Variants in SPRED1 observed in about 807,000 individuals in gnomAD.
SPRED1 encodes the protein sprouty-related, EVH1 domain-containing protein 1.
SPRED1 carries 18 observed loss-of-function variants against 52.3 expected under a neutral mutation model. That is an observed-to-expected ratio of 0.34 (90% CI 0.24 to 0.51). The LOEUF (loss-of-function observed/expected upper bound fraction) is 0.51, where lower values mean the gene tolerates loss of function less well. Ranked by LOEUF, SPRED1 falls within the 20% of genes least tolerant of loss-of-function variation. The pLI is 0.97. For missense variants in SPRED1, 485 were observed against 551.0 expected, an observed-to-expected ratio of 0.88 and a Z score of 1.20; for synonymous variants, 155 against 179.7, an observed-to-expected ratio of 0.86 and a Z score of 1.10.
intron 1 of SPRED1, among the ~76,000 whole-genome samples, chr15:38,293,438 C>A (rs1210527625): frequency 6.6e-6 from 1 of 152,048 alleles, no homozygotes; most frequent in Non-Finnish European, 1.5e-5. Flanking sequence ...GCCTTTGGAA[C>A]CTAGATCTGA....
At chr15:38,342,156 T>A (rs1896045086) in intron 5 of SPRED1, among the ~76,000 whole-genome samples, 1 of 151,634 alleles carries the variant, frequency 6.6e-6, no homozygotes, top group African/African-American at 2.4e-5. Context: ...ATTTGCTGTG[T>A]TTTTTTTCCT....
chr15:38,278,719 T>C (rs1894614235), intron 1 of SPRED1, among the ~76,000 whole-genome samples: 1 of 151,524 alleles, frequency 6.6e-6, no homozygotes, highest in African/African-American at 2.4e-5. Context: ...CCTAATACAA[T>C]GCAAATGCTG....
chr15:38,286,226 CAAAA>C (rs368405955), intron 1 of SPRED1, among the ~76,000 whole-genome samples: 124 of 89,592 alleles, frequency 1.4e-3, no homozygotes, highest in African/African-American at 5.1e-3. Flanking sequence ...ACTCCAGCCT[CAAAA>C]AAAAAAAAAA....
At chr15:38,290,489 A>G (rs16966655) in intron 1 of SPRED1, among the ~76,000 whole-genome samples, 13,836 of 152,196 alleles carry the variant, frequency 0.091, 760 homozygotes, top group East Asian at 0.21. Flanking sequence ...CATTATATAA[A>G]CAGTTTGTGG....
At chr15:38,290,902 G>A (rs911653252) in intron 1 of SPRED1, among the ~76,000 whole-genome samples, 26 of 152,116 alleles carry the variant, frequency 1.7e-4, no homozygotes, top group African/African-American at 6.0e-4. Flanking sequence ...GGCCCCTGCA[G>A]TTCTCATGTC....
intron 3 of SPRED1, among the ~76,000 whole-genome samples, chr15:38,324,249 ATCT>A (rs1193801857): frequency 6.6e-6 from 1 of 152,178 alleles, no homozygotes. Context: ...CAGCATGAAA[ATCT>A]GTACAGAGAC....
chr15:38,257,596 C>G (rs1431535886), intron 1 of SPRED1, among the ~76,000 whole-genome samples: 3 of 152,090 alleles, frequency 2.0e-5, no homozygotes, highest in Non-Finnish European at 4.4e-5. Context: ...TGCTTGGCCT[C>G]TGAGTTATGT....
chr15:38,337,036 A>G lies in SPRED1; in HGVS notation c.424-2701A>G, dbSNP rs534758058. Among the ~76,000 whole-genome samples the G allele has an allele frequency of 2.6e-4, 39 of 152,334 alleles. 1 individual carries two copies. Among genetic ancestry groups the G allele is most frequent in the African/African-American group, 7.0e-4 (29 of 41,586 alleles). ...ACTCTTTTTTTCTTTGCTAGATTCA[A>G]GAAGTGGTCAAAATGTGTGAATGTT... On this transcript the variant is annotated intron_variant, in intron 4 of 6. Coordinates refer to ENST00000299084, the MANE Select transcript of SPRED1 (RefSeq NM_152594.3).
chr15:38,306,942 G>A (rs934665879), intron 2 of SPRED1, among the ~76,000 whole-genome samples: 2 of 152,086 alleles, frequency 1.3e-5, no homozygotes, highest in African/African-American at 4.8e-5. Context: ...TGGTTGATTT[G>A]GTCTGTCAGC....
At chr15:38,313,016 A>T (rs1916145) in intron 2 of SPRED1, among the ~76,000 whole-genome samples, 1 of 151,712 alleles carries the variant, frequency 6.6e-6, no homozygotes, top group Non-Finnish European at 1.5e-5. Flanking sequence ...TCCCTCTCCC[A>T]CACGCACACA....
intron 4 of SPRED1, among the ~76,000 whole-genome samples, chr15:38,334,334 A>C (rs1179395399): frequency 2.6e-5 from 4 of 152,048 alleles, no homozygotes; most frequent in Non-Finnish European, 5.9e-5. Context: ...GGGGGGTGCT[A>C]ATACAGAGAA....
intron 1 of SPRED1, among the ~76,000 whole-genome samples, chr15:38,290,501 A>G (rs1224485052): frequency 6.6e-6 from 1 of 152,192 alleles, no homozygotes; most frequent in African/African-American, 2.4e-5. Context: ...AGTTTGTGGA[A>G]GACTTAGATG....
intron 2 of SPRED1, among the ~76,000 whole-genome samples, chr15:38,313,245 T>C (rs933250845): frequency 1.3e-5 from 2 of 152,070 alleles, no homozygotes; most frequent in African/African-American, 2.4e-5. Context: ...AATGTTCTTA[T>C]GACAATTTTG....
At chr15:38,285,448 C>T (rs1273075570) in intron 1 of SPRED1, among the ~76,000 whole-genome samples, 3 of 152,024 alleles carry the variant, frequency 2.0e-5, no homozygotes, top group African/African-American at 4.8e-5. Flanking sequence ...AGTAAAGCAG[C>T]GAGTCTTTTG....
At chr15:38,267,212 C>T (rs564794818) in intron 1 of SPRED1, among the ~76,000 whole-genome samples, 114 of 145,582 alleles carry the variant, frequency 7.8e-4, no homozygotes, top group African/African-American at 2.6e-3. Context: ...AAGACTTAGG[C>T]GTATATCTAG....
At chr15:38,305,921 A>T (rs1895242631) in intron 2 of SPRED1, among the ~76,000 whole-genome samples, 1 of 152,088 alleles carries the variant, frequency 6.6e-6, no homozygotes, top group African/African-American at 2.4e-5. Context: ...GATCTTCTTT[A>T]TTCTTGATTC....
chr15:38,335,816 A>G (rs1200045217), intron 4 of SPRED1, among the ~76,000 whole-genome samples: 2 of 152,080 alleles, frequency 1.3e-5, no homozygotes. Context: ...CATTCTAGCA[A>G]TAATATTCAT....
intron 1 of SPRED1, among the ~76,000 whole-genome samples, chr15:38,285,072 C>G (rs541797035): frequency 2.0e-5 from 3 of 151,820 alleles, no homozygotes; most frequent in Admixed American, 2.0e-4. Context: ...TTTTTTTGCT[C>G]CCAGCTCCTC....
intron 1 of SPRED1, among the ~76,000 whole-genome samples, chr15:38,276,168 G>A (rs1347891208): frequency 6.6e-6 from 1 of 150,644 alleles, no homozygotes; most frequent in African/African-American, 2.4e-5. Context: ...TTGCTGGTAT[G>A]TGAGTATTTG....
Sources: gnomAD v4.1 joint callset for allele counts (sites outside exome capture counted in the v4.1 genomes callset) on GRCh38, gnomAD v4.1.1 for gene constraint, MANE v1.5 for transcripts, NCBI Gene and HGNC (gene_info 2026-07-23, HGNC 2026-07-21) for gene names.